The following CTNNA2 variants were observed in gnomAD, a reference collection of about 807,000 sequenced individuals.
The protein encoded by CTNNA2 is catenin alpha-2.
A neutral mutation model predicts 101.0 loss-of-function variants in CTNNA2; 42 were observed. The ratio of observed to expected loss-of-function variants is 0.42; its 90% CI spans 0.32 to 0.54. The LOEUF (loss-of-function observed/expected upper bound fraction) is 0.54, where lower values mean the gene tolerates loss of function less well. Among genes scored for constraint, CTNNA2 ranks in the 20% least tolerant of loss-of-function variants. CTNNA2 has a pLI of 0.14. For synonymous variants in CTNNA2, 450 were observed against 456.4 expected, an observed-to-expected ratio of 0.99 and a Z score of 0.18; for missense variants, 871 against 1,223.1, an observed-to-expected ratio of 0.71 and a Z score of 4.29.
intron 1 of CTNNA2, among the ~76,000 whole-genome samples, chr2:79,643,586 AGT>A: frequency 6.6e-6 from 1 of 152,294 alleles, no homozygotes. Flanking sequence ...GCAGTAAAAA[AGT>A]TACCACAAAC....
chr2:79,437,228 GTC>G (rs2104515162), intron 4 of CTNNA2, among the ~76,000 whole-genome samples: 1 of 112,108 alleles, frequency 8.9e-6, no homozygotes, highest in Admixed American at 9.5e-5. Flanking sequence ...GAGTGAAACT[GTC>G]TCAAAAAAAA....
intron 3 of CTNNA2, among the ~76,000 whole-genome samples, chr2:79,826,580 G>A (rs757596851): frequency 6.6e-6 from 1 of 152,200 alleles, no homozygotes; most frequent in Non-Finnish European, 1.5e-5. Flanking sequence ...CTGGGATCTA[G>A]CAAGGAATGG....
intron 7 of CTNNA2, among the ~76,000 whole-genome samples, chr2:80,225,020 C>T (rs993724246): frequency 5.9e-5 from 9 of 152,160 alleles, no homozygotes; most frequent in Non-Finnish European, 5.9e-5. Flanking sequence ...AGCCTGGTCA[C>T]TATCACATGG....
intron 1 of CTNNA2, among the ~76,000 whole-genome samples, chr2:79,641,450 C>A (rs539385037): frequency 1.7e-4 from 26 of 152,256 alleles, no homozygotes; most frequent in African/African-American, 6.3e-4. Flanking sequence ...AAGATAATTC[C>A]TCAAGATATG....
intron 1 of CTNNA2, among the ~76,000 whole-genome samples, chr2:79,585,754 A>G (rs1194784592): frequency 1.3e-5 from 2 of 151,886 alleles, no homozygotes; most frequent in East Asian, 3.9e-4. Context: ...AACATGGCCA[A>G]CATCCCTTAG....
chr2:80,210,646 C>T (rs1212000704), intron 7 of CTNNA2, among the ~76,000 whole-genome samples: 1 of 152,152 alleles, frequency 6.6e-6, no homozygotes, highest in African/African-American at 2.4e-5. Flanking sequence ...CAAGTCTTTG[C>T]TATTGTGAAT....
At chr2:80,528,686 A>T (rs1481161107) in intron 9 of CTNNA2, among the ~76,000 whole-genome samples, 1 of 152,106 alleles carries the variant, frequency 6.6e-6, no homozygotes, top group East Asian at 1.9e-4. Flanking sequence ...CAAAAAAATA[A>T]ATAAATAAAT....
At chr2:79,480,023 A>G (rs1307759527) in intron 4 of CTNNA2, among the ~76,000 whole-genome samples, 1 of 152,174 alleles carries the variant, frequency 6.6e-6, no homozygotes, top group Non-Finnish European at 1.5e-5. Context: ...TGGCACTGGC[A>G]TCTGCATCTA....
At chr2:80,427,380 G>A (rs1399623941) in intron 9 of CTNNA2, among the ~76,000 whole-genome samples, 1 of 152,190 alleles carries the variant, frequency 6.6e-6, no homozygotes, top group Non-Finnish European at 1.5e-5. Context: ...GAGGCTCCCT[G>A]AGTTGAATTA....
rs547398098 is a variant in CTNNA2 at position 79,874,324 on chromosome 2, G to C, written c.834G>C (p.Ala278=). 2.4e-5 allele frequency: 38 copies of C among 1,613,832 alleles called. No homozygotes were observed. The Admixed American group carries it at 5.8e-4, about 25-fold the overall frequency. The change falls in exon 6 of 19, where the codon GCG becomes GCC. Residue 278 remains alanine, a synonymous_variant. Coordinates refer to ENST00000402739, the MANE Select transcript of CTNNA2 (RefSeq NM_001282597.3). ...ACACGGGCATCGGCGAGCTGGCTGCGGCTCTTAATGAGTTTGACGTAAGCA... is the reference window on the plus strand; with the variant it reads ...ACACGGGCATCGGCGAGCTGGCTGCCGCTCTTAATGAGTTTGACGTAAGCA... ...KGHTGIGELA[A]ALNEFDNKII...
chr2:80,396,877 G>A (rs1457177512), intron 8 of CTNNA2, among the ~76,000 whole-genome samples: 1 of 152,176 alleles, frequency 6.6e-6, no homozygotes, highest in Non-Finnish European at 1.5e-5. Context: ...ATGAGATTTA[G>A]TGAGTGTCAA....
chr2:79,272,216 C>A (rs147644947), intron 2 of CTNNA2, among the ~76,000 whole-genome samples: 1 of 151,812 alleles, frequency 6.6e-6, no homozygotes, highest in African/African-American at 2.4e-5. Context: ...ACACATTTGG[C>A]GGCCAGGAGC....
intron 7 of CTNNA2, among the ~76,000 whole-genome samples, chr2:80,177,379 A>G (rs554459354): frequency 1.3e-5 from 2 of 152,198 alleles, no homozygotes; most frequent in African/African-American, 2.4e-5. Flanking sequence ...GAAGTCTAGT[A>G]TACTCAACCT....
chr2:79,729,789 A>G (rs1301277480), intron 2 of CTNNA2, among the ~76,000 whole-genome samples: 1 of 152,080 alleles, frequency 6.6e-6, no homozygotes, highest in Admixed American at 6.6e-5. Flanking sequence ...TATTCTATCC[A>G]TGAAGATGAC....
intron 7 of CTNNA2, among the ~76,000 whole-genome samples, chr2:80,280,539 G>A (rs897166103): frequency 7.9e-5 from 12 of 151,698 alleles, no homozygotes; most frequent in South Asian, 4.2e-4. Context: ...ACAATCTTGC[G>A]CTGATCTTAC....
rs1220425531 is a variant in CTNNA2, at chr2:80,574,214, C to T, written c.1793C>T (p.Ala598Val). ...GAGGTTGCCATTGAAGCCCTGAGTG[C>T]CAACGTTCCTCAACCGTTTGAGGAG... ...QVEVAIEALSANVPQPFEENE... is the reference protein window; with the variant it reads ...QVEVAIEALSVNVPQPFEENE... The change falls in exon 13 of 19, where the codon GCC becomes GTC. Residue 598 changes from alanine to valine, a missense_variant. By Grantham distance (64) the Ala-to-Val change is moderately conservative. Coordinates refer to ENST00000402739, the MANE Select transcript of CTNNA2 (RefSeq NM_001282597.3). The T allele has an allele frequency of 1.2e-6, 2 of 1,613,596 alleles. No homozygotes were observed. The highest frequency in any genetic ancestry group is 8.5e-7 in the Non-Finnish European group (1 of 1,179,754).
Position 79,370,498 on chromosome 2 carries a change from C to T in CTNNA2, c.-317-3333C>T, listed in dbSNP as rs17016952. Among the ~76,000 whole-genome samples the T allele has an allele frequency of 6.0e-3, 921 of 152,294 alleles. 18 individuals carry two copies. The highest frequency in any genetic ancestry group is 0.041 in the Admixed American group (628 of 15,296). ...TCATTGGAAAAATACTTTCTGAGTG[C>T]TTTCTCTGCCTCTAGCTCTATGCTA... On this transcript the variant is annotated intron_variant, in intron 3 of 21. Coordinates refer to the CTNNA2 transcript ENST00000466387.
chr2:79,746,388 G>A (rs1671648680), intron 3 of CTNNA2, among the ~76,000 whole-genome samples: 1 of 152,164 alleles, frequency 6.6e-6, no homozygotes, highest in African/African-American at 2.4e-5. Flanking sequence ...CTTTGACACA[G>A]AGAATTTTTA....
At chr2:80,578,627 G>A (rs1695267017) in intron 13 of CTNNA2, among the ~76,000 whole-genome samples, 1 of 152,164 alleles carries the variant, frequency 6.6e-6, no homozygotes, top group Non-Finnish European at 1.5e-5. Context: ...GCGTGTTTAA[G>A]GTACATGTAA....
Sources: allele counts gnomAD v4.1 joint callset (sites outside exome capture counted in the v4.1 genomes callset), GRCh38; gene constraint gnomAD v4.1.1; transcripts MANE v1.5; gene names NCBI Gene and HGNC (gene_info 2026-07-23, HGNC 2026-07-21).